SPINT1: variants seen among roughly 807,000 people sequenced by gnomAD.
SPINT1 encodes kunitz-type protease inhibitor 1.
In SPINT1, 38 loss-of-function variants were observed where a neutral mutation model predicts 53.7. The ratio of observed to expected loss-of-function variants is 0.71; its 90% confidence interval spans 0.55 to 0.93. The LOEUF (loss-of-function observed/expected upper bound fraction) is 0.93, where lower values mean the gene tolerates loss of function less well. Among genes scored for constraint, SPINT1 ranks in the 40% least tolerant of loss-of-function variants. The probability of loss-of-function intolerance (pLI) is 0.00; values close to 1 mark genes in which losing one functional copy is unlikely to be tolerated. For missense variants in SPINT1, 645 were observed against 692.9 expected (o/e 0.93, Z 0.78); for synonymous variants, 283 against 280.6 (o/e 1.01, Z -0.08).
rs368525506 is a variant in SPINT1, at chr15:40,856,299, C to T, written c.1312C>T (p.Arg438Trp). The T allele has an allele frequency of 1.8e-4, 298 of 1,614,144 alleles. No homozygotes were observed. Among genetic ancestry groups the T allele is most frequent in the Non-Finnish European group, 2.2e-4 (261 of 1,180,018 alleles). Residue 438 changes from arginine to tryptophan, a missense_variant, in exon 10 of 11, where the codon CGG becomes TGG. Transcript: ENST00000562057. ...AGAGAAGGATGTGTTTGGCCTGAGG[C>T]GGGAAATCCCCATTCCCAGCACAGG... is the stretch of plus-strand genomic sequence containing the variant. Reference protein sequence around the residue: ...ISKKDVFGLRREIPIPSTGSV... With the variant: ...ISKKDVFGLRWEIPIPSTGSV...
Position 40,854,426 on chromosome 15 carries a change from T to G in SPINT1, c.970T>G (p.Phe324Val). The G allele has an allele frequency of 6.2e-7, 1 of 1,610,614 alleles. No individual in the cohort carries two copies. The part of the protein sequence containing the change: ...VCSGTCQPTQ[F>V]RCSNGCCIDS... ...CTCTGGCACCTGTCAGCCCACCCAG[T>G]TCCGCTGCAGCAATGGCTGCTGCAT... The change falls in exon 7 of 11, where the codon TTC becomes GTC. Residue 324 changes from phenylalanine to valine, a missense_variant. Physicochemically the swap from Phe to Val is conservative, Grantham distance 50. Transcript: ENST00000562057.
chr15:40,853,463 A>AG, intron 3 of SPINT1, 26 bp from the exon 4 acceptor site: 1 of 1,614,022 alleles, frequency 6.2e-7, no homozygotes, highest in Non-Finnish European at 8.5e-7. Flanking sequence ...GGGGTGCCCA[A>AG]GCCTGATAGC....
At chr15:40,846,182 T>A (rs1891289425) in intron 2 of SPINT1, among the ~76,000 whole-genome samples, 1 of 152,116 alleles carries the variant, frequency 6.6e-6, no homozygotes, top group Non-Finnish European at 1.5e-5. Flanking sequence ...CTTCCATAGA[T>A]AAAGGCAAAG....
In SPINT1 at chr15:40,853,715, C is replaced by T; in HGVS notation, c.747C>T (p.Tyr249=). ...CTCATAAGCTCTCCCCCCTAGACTA[C>T]TGCCTCGCATCCAACAAGGTGGGTC... ...TVLSTKQTED[Y]CLASNKVGRC... is the part of the protein sequence containing the mutation. The change falls in exon 5 of 11, where the codon TAC becomes TAT. Residue 249 remains tyrosine, a synonymous_variant. Coordinates refer to ENST00000562057, the MANE Select transcript of SPINT1 (RefSeq NM_003710.4). 3 of 1,614,138 alleles carry T rather than the reference C, an allele frequency of 1.9e-6. No homozygotes were observed. The highest frequency in any genetic ancestry group is 2.5e-6 in the Non-Finnish European group (3 of 1,179,960).
rs1407010808 is a variant in SPINT1 at position 40,844,569 on chromosome 15, G to A, written c.15G>A (p.Arg5=). 1.9e-6 allele frequency: 3 copies of A among 1,610,342 alleles called. 1 individual carries two copies. In the South Asian group the frequency reaches 3.3e-5, roughly 18 times the overall value. Residue 5 remains arginine (R), a synonymous_variant, in exon 2 of 11, where the codon AGG becomes AGA. Coordinates refer to ENST00000562057, the MANE Select transcript of SPINT1 (RefSeq NM_003710.4). This position sits in a 1 kb window ranked among gnomAD's most constrained non-coding sequence, Gnocchi z 5.8. The part of the protein sequence containing the change: MAPA[R]TMARARLAPA... ...GGAGGAAGGCGATGGCCCCTGCGAGGACGATGGCCCGCGCCCGCCTCGCCC... is the reference window on the plus strand; with the variant it reads ...GGAGGAAGGCGATGGCCCCTGCGAGAACGATGGCCCGCGCCCGCCTCGCCC...
chr15:40,851,897 T>C (rs1891469729), intron 2 of SPINT1, among the ~76,000 whole-genome samples: 1 of 152,166 alleles, frequency 6.6e-6, no homozygotes, highest in Non-Finnish European at 1.5e-5. Context: ...TGTGCACACC[T>C]GTAATCCCAG....
At chr15:40,852,331 C>G (rs1282350053) in intron 2 of SPINT1, among the ~76,000 whole-genome samples, 1 of 152,152 alleles carries the variant, frequency 6.6e-6, no homozygotes, top group Non-Finnish European at 1.5e-5. Flanking sequence ...ATCTGGAGAT[C>G]CTAATTACTT....
Position 40,844,132 on chromosome 15 carries a change from G to A in SPINT1, c.-120G>A. ...CGGAAGCCGCGACCCGAGCCGCGCA[G>A]GAAGCTGGGACCGGAACCTCGGCGG... is the stretch of plus-strand genomic sequence containing the variant. On this transcript the variant is annotated 5_prime_UTR_variant, in exon 1 of 11. Transcript: ENST00000562057. The surrounding 1 kb of genome is among the most constrained non-coding windows in gnomAD (Gnocchi z 5.8). 2.3e-6 allele frequency: 1 copy of A among 439,934 alleles called. No homozygotes were observed. 27.3% of individuals were successfully genotyped at this position (439,934 alleles called of 1,614,324 possible).
chr15:40,845,070 A>G lies in SPINT1; in HGVS notation c.475+41A>G, dbSNP rs763340218. On this transcript the variant is annotated intron_variant, in intron 2 of 10. Transcript: ENST00000562057. ...AGATGGATGGGTTTGGAGAGACTCAAAAAAGGGACTGGTTATGGGGTCCTA... is the reference window on the plus strand; with the variant it reads ...AGATGGATGGGTTTGGAGAGACTCAGAAAAGGGACTGGTTATGGGGTCCTA... 4.6e-6 allele frequency: 7 copies of G among 1,515,326 alleles called. No individual in the cohort carries two copies. The Admixed American group carries it at 7.6e-5, about 17-fold the overall frequency. 93.9% of individuals were successfully genotyped at this position (1,515,326 alleles called of 1,614,324 possible).
At chr15:40,851,821 G>GACCA (rs1430423096) in intron 2 of SPINT1, among the ~76,000 whole-genome samples, 2 of 152,196 alleles carry the variant, frequency 1.3e-5, no homozygotes. Context: ...AGGAGTTCAA[G>GACCA]ACCAGCCAGG....
chr15:40,856,624 C>T, intron 10 of SPINT1, 146 bp from the exon 11 acceptor site: 1 of 1,452,612 alleles, frequency 6.9e-7, no homozygotes, highest in South Asian at 1.4e-5. Context: ...AGCTGTTCAG[C>T]TGTTCATATG....
chr15:40,856,454 A>G, intron 10 of SPINT1, 131 bp downstream of exon 10: 4 of 1,184,940 alleles, frequency 3.4e-6, no homozygotes, highest in Non-Finnish European at 4.9e-6. Context: ...AGAGTACCGT[A>G]ATCAAATGGG....
intron 2 of SPINT1, 103 bp downstream of exon 2, chr15:40,845,132 C>A: frequency 1.1e-6 from 1 of 949,452 alleles, no homozygotes. Context: ...AAGGAGAGTT[C>A]ACTTTTTTTT....
chr15:40,854,665 C>T lies in SPINT1; in HGVS notation c.1093C>T (p.Arg365Cys), dbSNP rs558841618. The T allele has an allele frequency of 5.1e-5, 82 of 1,614,072 alleles. No individual in the cohort carries two copies. Among genetic ancestry groups the T allele is most frequent in the Middle Eastern group, 4.9e-4 (3 of 6,084 alleles). ...CACGAGTGGCTTTGACGAGCTCCAG[C>T]GCATCCATTTCCCCAGTGACAAAGG... ...KYTSGFDELQ[R>C]IHFPSDKGHC... Residue 365 changes from arginine to cysteine, a missense_variant, in exon 8 of 11, where the codon CGC becomes TGC. Coordinates refer to ENST00000562057, the MANE Select transcript of SPINT1 (RefSeq NM_003710.4).
intron 3 of SPINT1, 118 bp from the exon 4 acceptor site, chr15:40,853,371 T>TG (rs1891521250): frequency 4.4e-6 from 7 of 1,599,842 alleles, no homozygotes; most frequent in Middle Eastern, 1.8e-4. Flanking sequence ...AGGCTGAAGA[T>TG]GCATTTAATC....
At chr15:40,854,543 G>A (rs1891575376) in intron 7 of SPINT1, 21 bp downstream of exon 7, 4 of 1,613,618 alleles carry the variant, frequency 2.5e-6, no homozygotes, top group Non-Finnish European at 2.5e-6. Context: ...GGGGATAGAG[G>A]GGGTTGGGCA....
chr15:40,845,871 C>T (rs1179133069), intron 2 of SPINT1, among the ~76,000 whole-genome samples: 1 of 152,184 alleles, frequency 6.6e-6, no homozygotes, highest in Non-Finnish European at 1.5e-5. Flanking sequence ...CTTGGGACTG[C>T]TTAGCATCTC....
At chr15:40,850,428 G>C (rs922519804) in intron 2 of SPINT1, among the ~76,000 whole-genome samples, 4 of 152,152 alleles carry the variant, frequency 2.6e-5, no homozygotes, top group African/African-American at 7.2e-5. Flanking sequence ...TGGCCTGCAG[G>C]CTTAGCTGAT....
chr15:40,854,155 T>C (rs1891556216), intron 6 of SPINT1, 69 bp downstream of exon 6: 1 of 1,485,522 alleles, frequency 6.7e-7, no homozygotes, highest in Non-Finnish European at 9.0e-7. Context: ...CCTATGCCCC[T>C]AAGCAGCCTG....
Sources: allele counts gnomAD v4.1 joint callset (sites outside exome capture counted in the v4.1 genomes callset), GRCh38; gene constraint gnomAD v4.1.1; non-coding constraint Gnocchi (gnomAD v3.1); transcripts MANE v1.5; gene names NCBI Gene and HGNC (gene_info 2026-07-23, HGNC 2026-07-21).